The following SUN1 variants were observed in gnomAD, a reference collection of about 807,000 sequenced individuals.
SUN1 encodes SUN domain-containing protein 1.
A neutral mutation model predicts 103.2 loss-of-function variants in SUN1; 61 were observed. That is an observed-to-expected ratio of 0.59 (90% CI 0.48 to 0.73). The LOEUF (loss-of-function observed/expected upper bound fraction) is 0.73, where lower values mean the gene tolerates loss of function less well. Ranked by LOEUF, SUN1 falls within the 30% of genes least tolerant of loss-of-function variation. The pLI is 0.00. For synonymous variants in SUN1, 490 were observed against 425.7 expected (o/e 1.15, Z -1.86); for missense variants, 1,052 against 1,034.6 (o/e 1.02, Z -0.23).
intron 16 of SUN1, among the ~76,000 whole-genome samples, chr7:867,257 A>G (rs534414220): frequency 1.3e-5 from 2 of 152,390 alleles, no homozygotes; most frequent in South Asian, 4.1e-4. Flanking sequence ...CACTGCAGGC[A>G]GACGCAGCCT....
chr7:846,222 C>A (rs1220401296), intron 5 of SUN1, among the ~76,000 whole-genome samples: 1 of 151,980 alleles, frequency 6.6e-6, no homozygotes, highest in Admixed American at 6.6e-5. Flanking sequence ...GATTCTCCTG[C>A]CTCAGCCTCC....
At position 869,308 on chromosome 7, in the gene SUN1, C is replaced by T. The variant is rs774049523; in HGVS notation, c.1981-41C>T. ...CTTCCTGCTGCTAAGTGGGTAAGAG[C>T]ATGCTCACACTCTGAGTCCTCATGT... On this transcript the variant is annotated intron_variant, in intron 16 of 18. Coordinates refer to ENST00000401592, the MANE Select transcript of SUN1 (RefSeq NM_001130965.3). 1.9e-6 allele frequency: 3 copies of T among 1,596,002 alleles called. No homozygotes were observed. In the South Asian group the frequency reaches 3.4e-5, roughly 18 times the overall value.
At chr7:820,360 A>G (rs531665972) in intron 1 of SUN1, among the ~76,000 whole-genome samples, 5 of 152,250 alleles carry the variant, frequency 3.3e-5, no homozygotes, top group Admixed American at 2.0e-4. Flanking sequence ...TGTTTTCCCA[A>G]TTTCACTTCC....
chr7:826,136 G>A (rs1791588757), intron 1 of SUN1, among the ~76,000 whole-genome samples: 1 of 152,174 alleles, frequency 6.6e-6, no homozygotes, highest in African/African-American at 2.4e-5. Flanking sequence ...ACTGTGGGAA[G>A]CTGAGGCTTG....
At chr7:816,792 C>G (rs1173026083) in intron 1 of SUN1, 2 of 148,062 alleles carry the variant, frequency 1.4e-5, no homozygotes, top group Non-Finnish European at 3.0e-5. Context: ...GCCCTCAGCG[C>G]GGGCTGCGCC....
At chr7:815,784 T>C, upstream of SUN1, 1 of 208,806 alleles carries the variant, frequency 4.8e-6, no homozygotes, top group South Asian at 5.3e-5. Context: ...CCCCACACAT[T>C]CCCCAGAAGG....
At chr7:829,423 G>A (rs1795835123), upstream of SUN1, among the ~76,000 whole-genome samples, 1 of 152,190 alleles carries the variant, frequency 6.6e-6, no homozygotes, top group African/African-American at 2.4e-5. Flanking sequence ...TGCAAGGGCT[G>A]GGGGCTCCCG....
At chr7:840,445 G>A (rs962839670) in intron 2 of SUN1, among the ~76,000 whole-genome samples, 8 of 152,198 alleles carry the variant, frequency 5.3e-5, no homozygotes, top group Admixed American at 2.0e-4. Flanking sequence ...TCCTGTGGCC[G>A]TCGTCCTCCC....
intron 5 of SUN1, chr7:850,666 C>T (rs527600891): frequency 6.7e-6 from 1 of 150,096 alleles, no homozygotes; most frequent in Non-Finnish European, 1.5e-5. Context: ...ACAGTGAGAA[C>T]TGGAACAAAA....
chr7:867,488 G>T (rs1321204104), intron 16 of SUN1, among the ~76,000 whole-genome samples: 1 of 152,210 alleles, frequency 6.6e-6, no homozygotes, highest in Non-Finnish European at 1.5e-5. Context: ...TCACTGGCCT[G>T]CAGTGTTGTC....
chr7:833,039 G>A (rs1375433454), intron 1 of SUN1: 1 of 157,664 alleles, frequency 6.3e-6, no homozygotes, highest in African/African-American at 2.4e-5. Context: ...CTGAGGCGGA[G>A]TTTTCTGCTT....
chr7:834,636 T>G (rs1291847061), intron 1 of SUN1, among the ~76,000 whole-genome samples: 1 of 152,150 alleles, frequency 6.6e-6, no homozygotes. Flanking sequence ...CTTGCAGCCC[T>G]CCCCGCACAG....
intron 1 of SUN1, 43 bp downstream of exon 1, chr7:832,644 C>A: frequency 2.0e-6 from 3 of 1,534,812 alleles, no homozygotes; most frequent in Non-Finnish European, 2.7e-6. Flanking sequence ...TTGCAATGCC[C>A]ACTCGCTGTC....
intron 11 of SUN1, 73 bp from the exon 12 acceptor site, chr7:856,285 T>G: frequency 1.3e-6 from 2 of 1,482,222 alleles, no homozygotes; most frequent in Admixed American, 1.7e-5. Context: ...CAATGGAGTT[T>G]TAAGTATGTG....
chr7:831,560 G>A (rs536421872), upstream of SUN1, among the ~76,000 whole-genome samples: 32 of 152,290 alleles, frequency 2.1e-4, 1 homozygote, highest in South Asian at 6.2e-3. Context: ...GTGAGCCACC[G>A]CACCCGGCCG....
In SUN1 at chr7:849,112, C is replaced by T. The variant is rs187859877; in HGVS notation, c.659-2272C>T. Among the ~76,000 whole-genome samples, 125 of 152,226 alleles carry T rather than the reference C, an allele frequency of 8.2e-4. 1 individual carries two copies. Among genetic ancestry groups the T allele is most frequent in the Middle Eastern group, 3.4e-3 (1 of 294 alleles). ...GACTACAGGCGCACGCCACCACGCC[C>T]GGCTAATTTTTTGCATTTTTACTAA... is the stretch of plus-strand genomic sequence containing the variant. On this transcript the variant is annotated intron_variant, in intron 5 of 18. Coordinates refer to ENST00000401592, the MANE Select transcript of SUN1 (RefSeq NM_001130965.3).
At chr7:819,088 C>T (rs952598960) in intron 1 of SUN1, among the ~76,000 whole-genome samples, 1 of 152,104 alleles carries the variant, frequency 6.6e-6, no homozygotes, top group Non-Finnish European at 1.5e-5. Flanking sequence ...GTCTCAAACT[C>T]CCGACCTCAG....
chr7:831,418 C>T (rs538580495), upstream of SUN1, among the ~76,000 whole-genome samples: 192 of 152,108 alleles, frequency 1.3e-3, 1 homozygote, highest in Non-Finnish European at 2.1e-3. Flanking sequence ...ACTACAGGTG[C>T]CCGCCACCAC....
intron 1 of SUN1, among the ~76,000 whole-genome samples, chr7:820,573 C>A (rs748763443): frequency 2.4e-4 from 36 of 152,158 alleles, no homozygotes; most frequent in Non-Finnish European, 3.2e-4. Context: ...TGACTGATTG[C>A]TCTGGGGAGA....
Sources: gnomAD v4.1 joint callset for allele counts (sites outside exome capture counted in the v4.1 genomes callset) on GRCh38, gnomAD v4.1.1 for gene constraint, MANE v1.5 for transcripts, NCBI Gene and HGNC (gene_info 2026-07-23, HGNC 2026-07-21) for gene names.